DAPK2: variants seen among roughly 807,000 people sequenced by gnomAD.
The protein encoded by DAPK2 is death associated protein kinase 2.
DAPK2 carries 35 observed loss-of-function variants against 44.1 expected under a neutral mutation model. The observed-to-expected ratio is 0.79, with a 90% CI of 0.61 to 1.05. DAPK2 has a LOEUF of 1.05. Ranked by LOEUF, DAPK2 falls within the 50% of genes least tolerant of loss-of-function variation. DAPK2 has a pLI of 0.00. For synonymous variants in DAPK2, 174 were observed against 182.6 expected (o/e 0.95, Z 0.38); for missense variants, 453 against 483.2 (o/e 0.94, Z 0.59).
chr15:64,036,427 A>G (rs892932796), intron 1 of DAPK2, among the ~76,000 whole-genome samples: 2 of 148,792 alleles, frequency 1.3e-5, no homozygotes, highest in Non-Finnish European at 3.0e-5. Flanking sequence ...CATAAAATGA[A>G]CACATCTGTG....
Position 63,971,579 on chromosome 15 carries a change from G to T in DAPK2, c.315-18C>A, listed in dbSNP as rs200481293. On this transcript the variant is annotated intron_variant, in intron 2 of 10. Transcript: ENST00000261891. The stretch of plus-strand genomic sequence containing the variant: ...CAGACACTCTGTAAAACACCAGCGG[G>T]GGGAGGGGAGGCCCAGGCCCAGTCA... 23 of 1,613,042 alleles carry T rather than the reference G, an allele frequency of 1.4e-5. No homozygotes were observed. Among genetic ancestry groups the T allele is most frequent in the East Asian group, 4.5e-5 (2 of 44,814 alleles).
rs950841566 is a variant in DAPK2 at position 64,013,518 on chromosome 15, A to T, written c.92+26652T>A. Among the ~76,000 whole-genome samples the T allele has an allele frequency of 1.3e-4, 20 of 152,210 alleles. No individual in the cohort carries two copies. Among genetic ancestry groups the T allele is most frequent in the African/African-American group, 3.6e-4 (15 of 41,460 alleles). ...CCTATGGAAGCAAATACCTTAAGAA[A>T]ACATGAGGAGAAGGGGCAAGAACTT... On this transcript the variant is annotated intron_variant, in intron 1 of 10. Transcript: ENST00000261891. The surrounding 1 kb of genome is among the most constrained non-coding windows in gnomAD (Gnocchi z 4.7).
At chr15:64,033,135 C>T (rs1013968991) in intron 1 of DAPK2, among the ~76,000 whole-genome samples, 1 of 151,770 alleles carries the variant, frequency 6.6e-6, no homozygotes, top group Admixed American at 6.6e-5. Context: ...TGGCACATGC[C>T]TGTGGTTCCA....
chr15:63,914,604 T>A (rs1435700582), intron 8 of DAPK2, among the ~76,000 whole-genome samples: 2 of 152,094 alleles, frequency 1.3e-5, no homozygotes, highest in Non-Finnish European at 2.9e-5. Context: ...TCCAGTGGCT[T>A]CCCTGTGCCC....
chr15:63,959,672 T>C (rs1201259573), intron 3 of DAPK2, among the ~76,000 whole-genome samples: 1 of 152,254 alleles, frequency 6.6e-6, no homozygotes, highest in Admixed American at 6.5e-5. Flanking sequence ...GATTTGCATA[T>C]GTTGAACCAG....
intron 1 of DAPK2, among the ~76,000 whole-genome samples, chr15:63,999,875 C>G (rs1468491580): frequency 2.0e-5 from 3 of 152,004 alleles, no homozygotes; most frequent in African/African-American, 7.3e-5. Flanking sequence ...AAGCTCTCCT[C>G]CTACCTCAGC....
chr15:63,959,643 A>G (rs1417562659), intron 3 of DAPK2, among the ~76,000 whole-genome samples: 1 of 152,140 alleles, frequency 6.6e-6, no homozygotes, highest in East Asian at 1.9e-4. Flanking sequence ...TTCTGTTTAT[A>G]TGATGGATTA....
At chr15:63,972,564 C>T (rs766038893) in intron 2 of DAPK2, among the ~76,000 whole-genome samples, 1 of 152,140 alleles carries the variant, frequency 6.6e-6, no homozygotes, top group Non-Finnish European at 1.5e-5. Flanking sequence ...AAAGGGCATC[C>T]TTGTTATAAA....
chr15:63,926,725 T>C (rs747867460), intron 6 of DAPK2, among the ~76,000 whole-genome samples: 11 of 152,224 alleles, frequency 7.2e-5, no homozygotes, highest in Non-Finnish European at 1.5e-5. Context: ...GGTAGAGGTA[T>C]GATCCAGCAG....
chr15:63,981,247 G>T (rs1336476159), intron 2 of DAPK2, among the ~76,000 whole-genome samples: 1 of 152,138 alleles, frequency 6.6e-6, no homozygotes, highest in Non-Finnish European at 1.5e-5. Context: ...CCCTCACCGT[G>T]TGATGCACTG....
chr15:64,008,690 T>G (rs982696709), intron 1 of DAPK2, among the ~76,000 whole-genome samples: 7 of 152,240 alleles, frequency 4.6e-5, no homozygotes, highest in Admixed American at 3.9e-4. Context: ...ATGTATGGTT[T>G]GATTCAATTT....
intron 1 of DAPK2, among the ~76,000 whole-genome samples, chr15:64,036,328 TATATATATAC>T (rs2080200951): frequency 8.1e-6 from 1 of 123,360 alleles, no homozygotes; most frequent in Non-Finnish European, 1.7e-5. Flanking sequence ...TGTATATATA[TATATATATAC>T]ATATATATAT....
intron 1 of DAPK2, among the ~76,000 whole-genome samples, chr15:63,995,384 T>G (rs571167005): frequency 6.6e-6 from 1 of 152,270 alleles, no homozygotes; most frequent in African/African-American, 2.4e-5. Flanking sequence ...TCAAATATGT[T>G]GAAAAGATTT....
intron 2 of DAPK2, among the ~76,000 whole-genome samples, chr15:63,977,611 C>T (rs918776499): frequency 2.6e-5 from 4 of 152,130 alleles, no homozygotes; most frequent in African/African-American, 9.7e-5. Context: ...ACATAAACAC[C>T]GTACATGGTG....
At chr15:63,914,446 T>C (rs2078874444) in intron 8 of DAPK2, among the ~76,000 whole-genome samples, 1 of 152,178 alleles carries the variant, frequency 6.6e-6, no homozygotes, top group African/African-American at 2.4e-5. Context: ...TCCAGCCCTC[T>C]AGATCCTGTC....
In DAPK2 at chr15:63,939,112, G is replaced by A. The variant is rs1659978473; in HGVS notation, c.583+120C>T. On this transcript the variant is annotated intron_variant, in intron 4 of 10. Transcript: ENST00000261891. The surrounding 1 kb of genome is among the most constrained non-coding windows in gnomAD (Gnocchi z 4.3). ...CTTCCCCACCCATTAGGTTTCTAGA[G>A]ATGTCCCAATGCATCATCTCTTTGC... 1 of 1,492,846 alleles carries A rather than the reference G, an allele frequency of 6.7e-7. No individual in the cohort carries two copies. The highest frequency in any genetic ancestry group is 1.4e-5 in the African/African-American group (1 of 71,304). The allele number at this position is 1,492,846 out of a possible 1,614,324, so 92.5% of individuals were successfully genotyped here. A position where few individuals can be genotyped will look rare whatever the true frequency, so the allele number is the denominator to read the frequency against.
Position 64,020,061 on chromosome 15 carries a change from G to A in DAPK2, c.92+20109C>T, listed in dbSNP as rs1212728899. On this transcript the variant is annotated intron_variant, in intron 1 of 10. Transcript: ENST00000261891. This position sits in a 1 kb window ranked among gnomAD's most constrained non-coding sequence, Gnocchi z 4.5. ...CTCAGTGGCACCCGCAGGCTTTACT[G>A]TGCCATAAGCCATGGCTCTAGATGA... Among the ~76,000 whole-genome samples, 1 of 152,194 alleles carries A rather than the reference G, an allele frequency of 6.6e-6. No homozygotes were observed.
At chr15:64,036,277 G>A (rs1290394084) in intron 1 of DAPK2, among the ~76,000 whole-genome samples, 1 of 50,806 alleles carries the variant, frequency 2.0e-5, no homozygotes, top group African/African-American at 6.1e-5. Flanking sequence ...ATATATATGT[G>A]TGTGTGTGTG....
At chr15:64,005,448 G>A (rs1273462618) in intron 1 of DAPK2, among the ~76,000 whole-genome samples, 2 of 151,520 alleles carry the variant, frequency 1.3e-5, no homozygotes, top group Non-Finnish European at 2.9e-5. Context: ...AGAATATCAT[G>A]TGCAGTTCCG....
Sources: allele counts gnomAD v4.1 joint callset (sites outside exome capture counted in the v4.1 genomes callset), GRCh38; gene constraint gnomAD v4.1.1; non-coding constraint Gnocchi (gnomAD v3.1); transcripts MANE v1.5; gene names NCBI Gene and HGNC (gene_info 2026-07-23, HGNC 2026-07-21).